Variants in ADAMTSL3 observed in about 807,000 individuals in gnomAD.
The protein encoded by ADAMTSL3 is ADAMTS like 3.
A neutral mutation model predicts 201.7 loss-of-function variants in ADAMTSL3; 128 were observed. The observed-to-expected ratio is 0.63, with a 90% CI of 0.55 to 0.73. ADAMTSL3 has a LOEUF of 0.73. Among genes scored for constraint, ADAMTSL3 ranks in the 30% least tolerant of loss-of-function variants. The pLI, the probability that ADAMTSL3 is intolerant of heterozygous loss-of-function variation, is 0.00. For synonymous variants in ADAMTSL3, 738 were observed against 748.4 expected (o/e 0.99, Z 0.23); for missense variants, 1,990 against 2,119.6 (o/e 0.94, Z 1.20).
chr15:83,900,874 T>A (rs1262936048), intron 15 of ADAMTSL3, among the ~76,000 whole-genome samples: 1 of 152,224 alleles, frequency 6.6e-6, no homozygotes, highest in African/African-American at 2.4e-5. Flanking sequence ...GAGAGCTTTG[T>A]CTTTCCCAAG....
At chr15:83,816,816 G>A (rs2063778782) in intron 5 of ADAMTSL3, among the ~76,000 whole-genome samples, 1 of 152,102 alleles carries the variant, frequency 6.6e-6, no homozygotes, top group South Asian at 2.1e-4. Context: ...GACCAGCGTG[G>A]GCAACATGGC....
At position 83,704,580 on chromosome 15, in the gene ADAMTSL3, A is replaced by G. The variant is rs2061822420; in HGVS notation, c.189+72A>G. 7.0e-6 allele frequency: 11 copies of G among 1,570,248 alleles called. No homozygotes were observed. The Admixed American group carries it at 1.8e-4, about 26-fold the overall frequency. On this transcript the variant is annotated intron_variant, in intron 3 of 29. Coordinates refer to ENST00000286744, the MANE Select transcript of ADAMTSL3 (RefSeq NM_207517.3). ...GTGGTCAGGAAACTGTCTCTAAAAG[A>G]CCTTCAAAGTAATTATATTTTCCTC...
intron 26 of ADAMTSL3, among the ~76,000 whole-genome samples, chr15:84,023,345 T>C (rs1005368834): frequency 6.6e-6 from 1 of 152,162 alleles, no homozygotes; most frequent in Non-Finnish European, 1.5e-5. Context: ...ACTGGAGAAA[T>C]GTTTAATGTT....
At chr15:83,802,203 TA>T (rs2063535295) in intron 4 of ADAMTSL3, among the ~76,000 whole-genome samples, 1 of 152,132 alleles carries the variant, frequency 6.6e-6, no homozygotes, top group African/African-American at 2.4e-5. Context: ...TAAAAACTCA[TA>T]CGTGAAAAAT....
intron 3 of ADAMTSL3, among the ~76,000 whole-genome samples, chr15:83,714,224 C>A (rs2061969025): frequency 6.6e-6 from 1 of 152,176 alleles, no homozygotes; most frequent in Non-Finnish European, 1.5e-5. Context: ...AATGTCCACT[C>A]TTGGGCTGGA....
chr15:83,762,831 A>G (rs2062828977), intron 3 of ADAMTSL3, among the ~76,000 whole-genome samples: 1 of 151,950 alleles, frequency 6.6e-6, no homozygotes, highest in African/African-American at 2.4e-5. Flanking sequence ...ATGCCGTTCT[A>G]TAGCAATACT....
At chr15:83,935,303 T>C (rs1321801268) in intron 17 of ADAMTSL3, among the ~76,000 whole-genome samples, 1 of 152,156 alleles carries the variant, frequency 6.6e-6, no homozygotes, top group African/African-American at 2.4e-5. Context: ...GAAATGTTCT[T>C]GTAGATAAGC....
chr15:83,860,714 C>T (rs1367954821), intron 8 of ADAMTSL3, among the ~76,000 whole-genome samples: 2 of 152,142 alleles, frequency 1.3e-5, no homozygotes, highest in African/African-American at 4.8e-5. Flanking sequence ...ATAGGAATAG[C>T]TCCAGTCTAC....
chr15:84,029,670 T>C (rs1567313249), intron 27 of ADAMTSL3, among the ~76,000 whole-genome samples: 1 of 152,116 alleles, frequency 6.6e-6, no homozygotes, highest in Non-Finnish European at 1.5e-5. Context: ...AAATTCAAGC[T>C]GGCTGCAGAA....
intron 2 of ADAMTSL3, among the ~76,000 whole-genome samples, chr15:83,699,022 G>A (rs1213083645): frequency 6.6e-6 from 1 of 151,892 alleles, no homozygotes; most frequent in African/African-American, 2.4e-5. Flanking sequence ...TTAGAATTGA[G>A]GGTGTCAGGC....
At chr15:83,968,084 A>G (rs2067123018) in intron 19 of ADAMTSL3, among the ~76,000 whole-genome samples, 1 of 152,220 alleles carries the variant, frequency 6.6e-6, no homozygotes, top group Non-Finnish European at 1.5e-5. Flanking sequence ...AAAACCCTAT[A>G]AGAAAAACTA....
At chr15:83,839,755 G>A (rs1156456610) in intron 7 of ADAMTSL3, among the ~76,000 whole-genome samples, 1 of 152,152 alleles carries the variant, frequency 6.6e-6, no homozygotes, top group African/African-American at 2.4e-5. Flanking sequence ...GAGAAAAGAA[G>A]CAGCTAGAAT....
chr15:83,814,188 A>G (rs1403226796), intron 5 of ADAMTSL3, among the ~76,000 whole-genome samples: 2 of 152,134 alleles, frequency 1.3e-5, no homozygotes, highest in Admixed American at 6.6e-5. Context: ...ACAATTTTCC[A>G]TTCAGTATTT....
chr15:83,700,356 T>A (rs950442767), intron 2 of ADAMTSL3, among the ~76,000 whole-genome samples: 1 of 152,252 alleles, frequency 6.6e-6, no homozygotes, highest in Non-Finnish European at 1.5e-5. Context: ...CCAGGAATAG[T>A]CACTGTCAGA....
chr15:83,724,070 TA>T (rs2062138331), intron 3 of ADAMTSL3, among the ~76,000 whole-genome samples: 1 of 151,800 alleles, frequency 6.6e-6, no homozygotes, highest in South Asian at 2.1e-4. Context: ...TGTTTTTTTT[TA>T]ATTTTTAAAT....
chr15:83,658,397 C>T (rs1468033793), intron 2 of ADAMTSL3, among the ~76,000 whole-genome samples: 1 of 152,252 alleles, frequency 6.6e-6, no homozygotes, highest in Non-Finnish European at 1.5e-5. Flanking sequence ...ATGTGAGCCA[C>T]TGCGCCCGTC....
chr15:83,983,299 C>T lies in ADAMTSL3; in HGVS notation c.3671C>T (p.Thr1224Ile). ...LCDLITPSEA[T>I]YTWTKDGTLL... The stretch of plus-strand genomic sequence containing the variant: ...GACCTTATTACCCCCAGTGAGGCCA[C>T]ATATACATGGACCAAGGATGGAACC... Residue 1224 changes from threonine (T) to isoleucine (I), a missense_variant, in exon 21 of 30, where the codon ACA (threonine) becomes ATA (isoleucine). Coordinates refer to ENST00000286744, the MANE Select transcript of ADAMTSL3 (RefSeq NM_207517.3). The T allele has an allele frequency of 6.3e-7, 1 of 1,585,410 alleles. No individual in the cohort carries two copies.
chr15:83,758,584 A>G (rs182471415), intron 3 of ADAMTSL3, among the ~76,000 whole-genome samples: 1 of 152,326 alleles, frequency 6.6e-6, no homozygotes, highest in Non-Finnish European at 1.5e-5. Context: ...CCTAATGGGT[A>G]TGAAGTGGTA....
At chr15:83,685,884 G>A (rs1344170806) in intron 2 of ADAMTSL3, among the ~76,000 whole-genome samples, 1 of 152,124 alleles carries the variant, frequency 6.6e-6, no homozygotes, top group African/African-American at 2.4e-5. Flanking sequence ...CTTCCCTGAG[G>A]ACAGCAAAAT....
Sources: gnomAD v4.1 joint callset for allele counts (sites outside exome capture counted in the v4.1 genomes callset) on GRCh38, gnomAD v4.1.1 for gene constraint, MANE v1.5 for transcripts, NCBI Gene and HGNC (gene_info 2026-07-23, HGNC 2026-07-21) for gene names.